Variants in UBE2D4 observed in about 807,000 individuals in gnomAD.
UBE2D4 encodes ubiquitin conjugating enzyme E2 D4.
UBE2D4 carries 17 observed loss-of-function variants against 23.0 expected under a neutral mutation model. That is an observed-to-expected ratio of 0.74 (90% confidence interval 0.51 to 1.11). The LOEUF is 1.11. UBE2D4 is among the 50% of genes least tolerant of loss of function. UBE2D4 has a pLI of 0.00. For synonymous variants in UBE2D4, 61 were observed against 69.4 expected, an observed-to-expected ratio of 0.88 and a Z score of 0.60; for missense variants, 139 against 181.8, an observed-to-expected ratio of 0.76 and a Z score of 1.35.
At chr7:43,940,713 G>A (rs1347666485) in intron 2 of UBE2D4, among the ~76,000 whole-genome samples, 4 of 152,150 alleles carry the variant, frequency 2.6e-5, no homozygotes, top group Non-Finnish European at 5.9e-5. Flanking sequence ...ACTGCTTAGT[G>A]TCCCAGCAGC....
intron 5 of UBE2D4, among the ~76,000 whole-genome samples, chr7:43,949,475 T>C (rs1007138022): frequency 2.0e-5 from 3 of 152,214 alleles, no homozygotes; most frequent in Non-Finnish European, 4.4e-5. Context: ...AGTCCTCCCA[T>C]TGTGGCCTCC....
At chr7:43,926,703 C>G in intron 1 of UBE2D4, 147 bp downstream of exon 1, 1 of 887,476 alleles carries the variant, frequency 1.1e-6, no homozygotes, top group Non-Finnish European at 1.6e-6. Context: ...GCCTCCCGCG[C>G]AGCCTGAAAA....
intron 2 of UBE2D4, chr7:43,941,973 G>A (rs1033610262): frequency 3.9e-5 from 6 of 152,158 alleles, no homozygotes; most frequent in East Asian, 1.9e-4. Context: ...CACGTAGGGG[G>A]CGATCTGTAA....
Position 43,952,863 on chromosome 7 carries a change from C to T in UBE2D4, c.*168C>T. On this transcript the variant is annotated 3_prime_UTR_variant, in exon 7 of 7. Coordinates refer to ENST00000222402, the MANE Select transcript of UBE2D4 (RefSeq NM_015983.4). ...TGCAGCATGTTGGTGCCATTTTCAG[C>T]AATTACGGCTTTGACAGTGCCACCT... 2 of 604,836 alleles carry T rather than the reference C, an allele frequency of 3.3e-6. No homozygotes were observed. Among genetic ancestry groups the T allele is most frequent in the Non-Finnish European group, 6.0e-6 (2 of 332,610 alleles). The allele number at this position is 604,836 out of a possible 1,614,324, so 37.5% of individuals were successfully genotyped here. A position where few individuals can be genotyped will look rare whatever the true frequency, so the allele number is the denominator to read the frequency against.
chr7:43,935,551 G>A (rs2095956581), intron 1 of UBE2D4, among the ~76,000 whole-genome samples: 1 of 152,032 alleles, frequency 6.6e-6, no homozygotes, highest in Non-Finnish European at 1.5e-5. Flanking sequence ...GGGCCCCAGA[G>A]GCCAAGGAAA....
rs73327432 is a variant in UBE2D4, at chr7:43,938,879, C to G, written c.88+385C>G. Among the ~76,000 whole-genome samples the G allele has an allele frequency of 9.2e-3, 1,401 of 152,310 alleles. 23 individuals are homozygous for G. Among genetic ancestry groups the G allele is most frequent in the African/African-American group, 0.026 (1,066 of 41,572 alleles). On this transcript the variant is annotated intron_variant, in intron 2 of 6. Coordinates refer to ENST00000222402, the MANE Select transcript of UBE2D4 (RefSeq NM_015983.4). The stretch of plus-strand genomic sequence containing the variant: ...CCAAACAACCAAATTATCAGCCAAG[C>G]AGTATTTAAGAAAACCAATCAATGC...
At chr7:43,950,356 TGA>T (rs58174170) in intron 5 of UBE2D4, among the ~76,000 whole-genome samples, 55,143 of 151,706 alleles carry the variant, frequency 0.36, 10,106 homozygotes, top group South Asian at 0.48. Flanking sequence ...AGAAGGGGAA[TGA>T]GAACCAGGAT....
At chr7:43,928,421 C>CT (rs11296219) in intron 1 of UBE2D4, among the ~76,000 whole-genome samples, 49,789 of 146,360 alleles carry the variant, frequency 0.34, 8,526 homozygotes, top group South Asian at 0.57. Context: ...GAGTATGACT[C>CT]TTTTTTTTTT....
intron 5 of UBE2D4, 27 bp from the exon 6 acceptor site, chr7:43,950,572 C>G: frequency 1.2e-6 from 2 of 1,604,792 alleles, no homozygotes; most frequent in South Asian, 2.2e-5. Context: ...GTGGCTACAG[C>G]TGACCAACCT....
chr7:43,939,376 TCA>T (rs2095966006), intron 2 of UBE2D4, among the ~76,000 whole-genome samples: 1 of 152,242 alleles, frequency 6.6e-6, no homozygotes, highest in Admixed American at 6.5e-5. Flanking sequence ...CTGCTGTCCC[TCA>T]CAGGTGCTGG....
chr7:43,942,885 T>A, intron 3 of UBE2D4, 28 bp downstream of exon 3: 1 of 1,614,164 alleles, frequency 6.2e-7, no homozygotes, highest in South Asian at 1.1e-5. Context: ...AGCGCACCAC[T>A]CCAGTTTTGC....
intron 6 of UBE2D4, chr7:43,952,398 C>G: frequency 2.4e-6 from 1 of 414,830 alleles, no homozygotes; most frequent in South Asian, 3.2e-5. Flanking sequence ...ATTAAATCTT[C>G]CACAGCAGAT....
At chr7:43,928,004 G>A (rs1169068223) in intron 1 of UBE2D4, 6 of 449,982 alleles carry the variant, frequency 1.3e-5, no homozygotes, top group South Asian at 4.8e-5. Context: ...TTTGGCTCTC[G>A]GTTCTGCAGG....
At chr7:43,943,208 AC>A in intron 4 of UBE2D4, 177 bp downstream of exon 4, 1 of 653,422 alleles carries the variant, frequency 1.5e-6, no homozygotes, top group Non-Finnish European at 2.7e-6. Flanking sequence ...GGGAATTAGC[AC>A]CTGTTGTGAT....
intron 1 of UBE2D4, among the ~76,000 whole-genome samples, chr7:43,931,624 G>GGA (rs2095945799): frequency 7.0e-6 from 1 of 141,950 alleles, no homozygotes; most frequent in Non-Finnish European, 1.6e-5. Context: ...GGGGCGGGGG[G>GGA]GGTGGCAGAG....
At chr7:43,928,362 T>C (rs141994318) in intron 1 of UBE2D4, among the ~76,000 whole-genome samples, 1 of 152,080 alleles carries the variant, frequency 6.6e-6, no homozygotes, top group East Asian at 1.9e-4. Flanking sequence ...TTTTCCTTAA[T>C]TCACATTACT....
At chr7:43,949,123 T>C in intron 5 of UBE2D4, 1 of 308,698 alleles carries the variant, frequency 3.2e-6, no homozygotes, top group Non-Finnish European at 5.9e-6. Context: ...TGAAGGAAGA[T>C]ACAGGGCATG....
rs777548694 is a variant in UBE2D4 at position 43,926,506 on chromosome 7, C to T, written c.-27C>T. 102 of 1,513,582 alleles carry T rather than the reference C, an allele frequency of 6.7e-5. No homozygotes were observed. Among genetic ancestry groups the T allele is most frequent in the Non-Finnish European group, 8.3e-5 (94 of 1,131,592 alleles). 93.8% of individuals were successfully genotyped at this position (1,513,582 alleles called of 1,614,324 possible). Reference sequence around the variant, plus strand: ...CCGCCTCAGGCAGCCCCGGCCGGGCCGCCCGGGTCCCCGGCAGCGGGGTAG... The same window carrying T: ...CCGCCTCAGGCAGCCCCGGCCGGGCTGCCCGGGTCCCCGGCAGCGGGGTAG... On this transcript the variant is annotated 5_prime_UTR_variant, in exon 1 of 7. Transcript: ENST00000222402.
chr7:43,942,690 C>T, intron 2 of UBE2D4, 136 bp from the exon 3 acceptor site: 1 of 1,285,746 alleles, frequency 7.8e-7, no homozygotes, highest in South Asian at 1.2e-5. Flanking sequence ...GTTTGGGGAA[C>T]CCCAGTCTTG....
Sources: gnomAD v4.1 joint callset for allele counts (sites outside exome capture counted in the v4.1 genomes callset) on GRCh38, gnomAD v4.1.1 for gene constraint, MANE v1.5 for transcripts, NCBI Gene and HGNC (gene_info 2026-07-23, HGNC 2026-07-21) for gene names.